UBE2J2: variants seen among roughly 807,000 people sequenced by gnomAD.
UBE2J2 encodes the protein ubiquitin conjugating enzyme E2 J2.
UBE2J2 carries 5 observed loss-of-function variants against 28.6 expected under a neutral mutation model. The ratio of observed to expected loss-of-function variants is 0.17; its 90% CI spans 0.09 to 0.37. The LOEUF (loss-of-function observed/expected upper bound fraction) is 0.37. Among genes scored for constraint, UBE2J2 ranks in the 10% least tolerant of loss-of-function variants. The pLI is 1.00. For synonymous variants in UBE2J2, 138 were observed against 139.7 expected, an observed-to-expected ratio of 0.99 and a Z score of 0.09; for missense variants, 226 against 338.9, an observed-to-expected ratio of 0.67 and a Z score of 2.62.
In UBE2J2 at chr1:1,268,064, C is replaced by T; in HGVS notation, c.1-72G>A. 7 of 1,573,470 alleles carry T rather than the reference C, an allele frequency of 4.4e-6. No homozygotes were observed. The highest frequency in any genetic ancestry group is 6.1e-6 in the Non-Finnish European group (7 of 1,154,012). ...ACAGCTCTCTCCCCTGGCGCAGCCCCACTCCCGCCTCTGCAGCCCGCCATT... is the reference window on the plus strand; with the variant it reads ...ACAGCTCTCTCCCCTGGCGCAGCCCTACTCCCGCCTCTGCAGCCCGCCATT... On this transcript the variant is annotated intron_variant, in intron 1 of 6. Coordinates refer to ENST00000349431, the MANE Select transcript of UBE2J2 (RefSeq NM_058167.3). This position sits in a 1 kb window ranked among gnomAD's most constrained non-coding sequence, Gnocchi z 4.7.
chr1:1,261,799 A>G (rs1196201459), intron 3 of UBE2J2, among the ~76,000 whole-genome samples: 1 of 151,618 alleles, frequency 6.6e-6, no homozygotes, highest in Non-Finnish European at 1.5e-5. Context: ...GGGCCCCACC[A>G]CCACGCCCAG....
At chr1:1,266,115 G>A (rs1639845760) in intron 2 of UBE2J2, 6 of 1,304,092 alleles carry the variant, frequency 4.6e-6, no homozygotes, top group Non-Finnish European at 6.1e-6. Context: ...CGATGTCCTG[G>A]GGCCACATGT....
chr1:1,270,408 G>A (rs1640090017), intron 1 of UBE2J2, among the ~76,000 whole-genome samples: 4 of 152,116 alleles, frequency 2.6e-5, no homozygotes, highest in Admixed American at 2.6e-4. Context: ...GCCAGGGCTT[G>A]GCTGCTCACC....
At chr1:1,264,734 CCT>C (rs916092125) in intron 2 of UBE2J2, 4 of 152,230 alleles carry the variant, frequency 2.6e-5, no homozygotes, top group African/African-American at 9.7e-5. Flanking sequence ...ACGGTGAAAC[CCT>C]GTCTCTATTA....
At chr1:1,262,104 A>T (rs896214686) in intron 3 of UBE2J2, 20 of 318,292 alleles carry the variant, frequency 6.3e-5, no homozygotes, top group African/African-American at 4.2e-4. Context: ...TGATCCGCCC[A>T]CCTCAGCCTC....
chr1:1,255,975 TC>T, intron 6 of UBE2J2, 69 bp downstream of exon 6: 6 of 1,147,664 alleles, frequency 5.2e-6, no homozygotes, highest in Non-Finnish European at 5.3e-6. Flanking sequence ...CAGATTTTAC[TC>T]TTTGGAAAGA....
intron 2 of UBE2J2, chr1:1,267,640 G>C (rs911137011): frequency 8.3e-7 from 1 of 1,209,606 alleles, no homozygotes; most frequent in Admixed American, 3.2e-5. Flanking sequence ...TCCAGCCCCA[G>C]CCTGAGTCAA....
chr1:1,257,538 CCACCT>C (rs896660415), intron 3 of UBE2J2, among the ~76,000 whole-genome samples: 18 of 151,168 alleles, frequency 1.2e-4, no homozygotes, highest in African/African-American at 3.9e-4. Flanking sequence ...CCTCCCCACC[CCACCT>C]GTACCCACCA....
At chr1:1,258,834 G>GC (rs1639365650) in intron 3 of UBE2J2, among the ~76,000 whole-genome samples, 1 of 152,234 alleles carries the variant, frequency 6.6e-6, no homozygotes, top group Admixed American at 6.5e-5. Flanking sequence ...TCTATGAGCT[G>GC]CCTCATGGCA....
chr1:1,261,651 GTTT>G (rs59207041), intron 3 of UBE2J2, among the ~76,000 whole-genome samples: 3 of 138,104 alleles, frequency 2.2e-5, no homozygotes, highest in Non-Finnish European at 4.7e-5. Context: ...ACCCATTTTG[GTTT>G]TTTTTTTTTT....
chr1:1,263,453 A>G, intron 2 of UBE2J2, 67 bp from the exon 3 acceptor site: 1 of 1,444,942 alleles, frequency 6.9e-7, no homozygotes, highest in Non-Finnish European at 9.7e-7. Context: ...GAATCATTCC[A>G]AGCCTGGGGT....
chr1:1,265,289 G>C (rs554035526), intron 2 of UBE2J2, among the ~76,000 whole-genome samples: 1 of 152,200 alleles, frequency 6.6e-6, no homozygotes, highest in Non-Finnish European at 1.5e-5. Flanking sequence ...TGACGCTGCT[G>C]TCCTTAATGC....
intron 1 of UBE2J2, among the ~76,000 whole-genome samples, chr1:1,269,795 A>T (rs781279797): frequency 2.0e-5 from 3 of 152,098 alleles, no homozygotes; most frequent in Non-Finnish European, 2.9e-5. Flanking sequence ...GTCTGTGGAC[A>T]TCAGTGGCCA....
chr1:1,264,109 G>A (rs207460006), intron 2 of UBE2J2, among the ~76,000 whole-genome samples: 2 of 152,106 alleles, frequency 1.3e-5, no homozygotes, highest in African/African-American at 4.8e-5. Flanking sequence ...GGGCCGGCTC[G>A]GTACCCCCAG....
In UBE2J2 at chr1:1,262,152, C is replaced by A. The variant is rs771471674; in HGVS notation, c.172+1194G>T. 2 of 333,974 alleles carry A rather than the reference C, an allele frequency of 6.0e-6. 1 individual carries two copies. The highest frequency in any genetic ancestry group is 4.3e-5 in the African/African-American group (2 of 46,024). The allele number at this position is 333,974 out of a possible 1,614,324, so 20.7% of individuals were successfully genotyped here. A position where few individuals can be genotyped will look rare whatever the true frequency, so the allele number is the denominator to read the frequency against. On this transcript the variant is annotated intron_variant, in intron 3 of 6. Transcript: ENST00000349431. The stretch of plus-strand genomic sequence containing the variant: ...AATTACAGGCGTGAGCCACCGCGCC[C>A]GGCCGACCACTACTCACTCGGTGGT...
At chr1:1,263,410 T>C in intron 2 of UBE2J2, 24 bp from the exon 3 acceptor site, 1 of 1,610,154 alleles carries the variant, frequency 6.2e-7, no homozygotes, top group Non-Finnish European at 8.5e-7. Flanking sequence ...GAAAATTACT[T>C]GGGATTTGAG....
chr1:1,273,153 TAG>T (rs1557572331), intron 1 of UBE2J2: 1 of 152,052 alleles, frequency 6.6e-6, no homozygotes. Flanking sequence ...CGGCGCCGCT[TAG>T]AGACTTGTTC....
At chr1:1,271,145 C>T (rs932283000) in intron 1 of UBE2J2, among the ~76,000 whole-genome samples, 9 of 152,208 alleles carry the variant, frequency 5.9e-5, no homozygotes, top group African/African-American at 2.2e-4. Flanking sequence ...GGAGTGCCTC[C>T]CCAGGAGGGC....
Position 1,256,279 on chromosome 1 carries a change from A to G in UBE2J2, c.415-154T>C, listed in dbSNP as rs1639166938. 22 of 584,852 alleles carry G rather than the reference A, an allele frequency of 3.8e-5. No individual in the cohort carries two copies. The South Asian group carries it at 4.3e-4, about 11-fold the overall frequency. 36.2% of individuals were successfully genotyped at this position (584,852 alleles called of 1,614,324 possible). On this transcript the variant is annotated intron_variant, in intron 5 of 6. Coordinates refer to ENST00000349431, the MANE Select transcript of UBE2J2 (RefSeq NM_058167.3). Reference sequence around the variant, plus strand: ...TCACAGCAAACTAACTTATAGTCTTACAAAGCCTTCTTAATCTTCCCCCCA... The same window carrying G: ...TCACAGCAAACTAACTTATAGTCTTGCAAAGCCTTCTTAATCTTCCCCCCA...
Sources: allele counts gnomAD v4.1 joint callset (sites outside exome capture counted in the v4.1 genomes callset), GRCh38; gene constraint gnomAD v4.1.1; non-coding constraint Gnocchi (gnomAD v3.1); transcripts MANE v1.5; gene names NCBI Gene and HGNC (gene_info 2026-07-23, HGNC 2026-07-21).